TRMT61A: variants seen among roughly 807,000 people sequenced by gnomAD.
TRMT61A encodes tRNA (adenine(58)-N(1))-methyltransferase catalytic subunit TRMT61A.
A neutral mutation model predicts 21.3 loss-of-function variants in TRMT61A; 15 were observed. The ratio of observed to expected loss-of-function variants is 0.70; its 90% CI spans 0.47 to 1.08. TRMT61A has a LOEUF of 1.08. TRMT61A is among the 50% of genes least tolerant of loss of function. The pLI, the probability that TRMT61A is intolerant of heterozygous loss-of-function variation, is 0.00. For synonymous variants in TRMT61A, 183 were observed against 185.5 expected (o/e 0.99, Z 0.11); for missense variants, 352 against 426.7 (o/e 0.83, Z 1.54).
Position 103,534,942 on chromosome 14 carries a change from G to C in TRMT61A, c.*121G>C, listed in dbSNP as rs1465334999. On this transcript the variant is annotated 3_prime_UTR_variant, in exon 4 of 4. Transcript: ENST00000389749. ...ACAGACGGTGGGGTGGGGCTTGGGG[G>C]CCTCCTGGGTGGCCAGAGTGGGACA... 1.5e-6 allele frequency: 2 copies of C among 1,355,176 alleles called. No individual in the cohort carries two copies. The highest frequency in any genetic ancestry group is 1.0e-6 in the Non-Finnish European group (1 of 982,468). The allele number at this position is 1,355,176 out of a possible 1,614,324, so 83.9% of individuals were successfully genotyped here. A position where few individuals can be genotyped will look rare whatever the true frequency, so the allele number is the denominator to read the frequency against.
In TRMT61A at chr14:103,531,136, CCTT is replaced by C. The variant is rs1226018445; in HGVS notation, c.331+830_331+832del. On this transcript the variant is annotated intron_variant, in intron 2 of 3. Coordinates refer to ENST00000389749, the MANE Select transcript of TRMT61A (RefSeq NM_152307.3). The surrounding 1 kb of genome is among the most constrained non-coding windows in gnomAD (Gnocchi z 5.1). ...CGCGAGAGAGCTCAATCAAGCAGCA[CCTT>C]CTCCTGGCCTCCTCAGATATGCCAG... 2.6e-5 allele frequency among the ~76,000 whole-genome samples: 4 copies of C among 152,188 alleles called. No homozygotes were observed. Among genetic ancestry groups the C allele is most frequent in the African/African-American group, 9.7e-5 (4 of 41,438 alleles).
In TRMT61A at chr14:103,532,733, C is replaced by A. The variant is rs980236035; in HGVS notation, c.483C>A (p.Thr161=). 5.6e-6 allele frequency: 9 copies of A among 1,608,522 alleles called. No individual in the cohort carries two copies. In the African/African-American group the frequency reaches 1.1e-4, roughly 19 times the overall value. Residue 161 remains threonine (T), a synonymous_variant, in exon 3 of 4, where the codon ACC becomes ACA. Coordinates refer to ENST00000389749, the MANE Select transcript of TRMT61A (RefSeq NM_152307.3). Reference sequence around the variant, plus strand: ...TGGGCCGCTGGGTGACTGTGCGCACCCAGGACGTGTGCCGCAGTGGCTTTG... The same window carrying A: ...TGGGCCGCTGGGTGACTGTGCGCACACAGGACGTGTGCCGCAGTGGCTTTG... ...HRVGRWVTVR[T]QDVCRSGFGV... is the part of the protein sequence containing the mutation.
In TRMT61A at chr14:103,531,237, G is replaced by A. The variant is rs2075953063; in HGVS notation, c.331+928G>A. ...GAGGAGGGGGACACAGCCTAGGTGA[G>A]CATCTCAGTGCCGCTGGTTGCTGTG... On this transcript the variant is annotated intron_variant, in intron 2 of 3. Coordinates refer to ENST00000389749, the MANE Select transcript of TRMT61A (RefSeq NM_152307.3). This position sits in a 1 kb window ranked among gnomAD's most constrained non-coding sequence, Gnocchi z 5.1. 6.6e-6 allele frequency among the ~76,000 whole-genome samples: 1 copy of A among 152,240 alleles called. No individual in the cohort carries two copies. The highest frequency in any genetic ancestry group is 2.4e-5 in the African/African-American group (1 of 41,464).
chr14:103,534,902 C>T lies in TRMT61A; in HGVS notation c.*81C>T, dbSNP rs568355646. 1.3e-4 allele frequency: 195 copies of T among 1,504,592 alleles called. No individual in the cohort carries two copies. In the African/African-American group the frequency reaches 2.1e-3, roughly 16 times the overall value. The allele number at this position is 1,504,592 out of a possible 1,614,324, so 93.2% of individuals were successfully genotyped here. On this transcript the variant is annotated 3_prime_UTR_variant, in exon 4 of 4. Coordinates refer to ENST00000389749, the MANE Select transcript of TRMT61A (RefSeq NM_152307.3). ...GGCCAGAGGCACCTTATATGGTCAGCGATGCCTGCCAGACACAGACGGTGG... is the reference window on the plus strand; with the variant it reads ...GGCCAGAGGCACCTTATATGGTCAGTGATGCCTGCCAGACACAGACGGTGG...
Position 103,532,680 on chromosome 14 carries a change from G to T in TRMT61A, c.430G>T (p.Ala144Ser), listed in dbSNP as rs537191569. ...VEFHQQRAEK[A>S]REEFQEHRVG... ...GTTCCACCAGCAGCGGGCAGAGAAGGCCCGGGAGGAGTTCCAGGAGCACCG... is the reference window on the plus strand; with the variant it reads ...GTTCCACCAGCAGCGGGCAGAGAAGTCCCGGGAGGAGTTCCAGGAGCACCG... The change falls in exon 3 of 4, where the codon GCC becomes TCC. Residue 144 changes from alanine to serine, a missense_variant. By Grantham distance (99) the Ala-to-Ser change is moderately conservative. Coordinates refer to ENST00000389749, the MANE Select transcript of TRMT61A (RefSeq NM_152307.3). 6.2e-6 allele frequency: 10 copies of T among 1,613,414 alleles called. No individual in the cohort carries two copies. In the South Asian group the frequency reaches 1.1e-4, roughly 18 times the overall value.
Position 103,530,078 on chromosome 14 carries a change from G to A in TRMT61A, c.100G>A (p.Ala34Thr), listed in dbSNP as rs781028110. 3.1e-6 allele frequency: 5 copies of A among 1,613,034 alleles called. No individual in the cohort carries two copies. The highest frequency in any genetic ancestry group is 4.2e-6 in the Non-Finnish European group (5 of 1,180,010). The change falls in exon 2 of 4, where the codon GCA becomes ACA. Residue 34 changes from alanine (A) to threonine (T), a missense_variant. Ala to Thr is a moderately conservative substitution (Grantham distance 58, BLOSUM62 0). Coordinates refer to ENST00000389749, the MANE Select transcript of TRMT61A (RefSeq NM_152307.3). ...GGTGGCGGTGCGTGTGCAGCGTGGG[G>A]CACAGACCCAGACCCGGCATGGTGT... ...AMVAVRVQRG[A>T]QTQTRHGVLR...
At chr14:103,533,510 T>G (rs2075962108) in intron 3 of TRMT61A, among the ~76,000 whole-genome samples, 1 of 152,184 alleles carries the variant, frequency 6.6e-6, no homozygotes, top group South Asian at 2.1e-4. Flanking sequence ...GGTCCTGGTC[T>G]CTGCTGAGGT....
intron 2 of TRMT61A, among the ~76,000 whole-genome samples, chr14:103,530,975 A>T (rs1232041844): frequency 6.6e-6 from 1 of 151,902 alleles, no homozygotes; most frequent in Non-Finnish European, 1.5e-5. Context: ...TGGCTTTCTG[A>T]GGGCTGCAGG....
At chr14:103,534,124 G>A (rs558089257) in intron 3 of TRMT61A, among the ~76,000 whole-genome samples, 64 of 152,314 alleles carry the variant, frequency 4.2e-4, no homozygotes, top group Non-Finnish European at 2.4e-4. Context: ...TCCTGTTCCC[G>A]GGAGCAGCGA....
At chr14:103,534,417 A>C in intron 3 of TRMT61A, 133 bp from the exon 4 acceptor site, 36 of 1,076,354 alleles carry the variant, frequency 3.3e-5, no homozygotes, top group Non-Finnish European at 4.1e-5. Context: ...CAGCTCTTGG[A>C]GAGCTTGCAG....
Position 103,530,066 on chromosome 14 carries a change from G to T in TRMT61A, c.88G>T (p.Val30Leu), listed in dbSNP as rs746626061. Residue 30 changes from valine to leucine, a missense_variant, in exon 2 of 4, where the codon GTG becomes TTG. Transcript: ENST00000389749. ...CCATGGTGCAATGGTGGCGGTGCGT[G>T]TGCAGCGTGGGGCACAGACCCAGAC... The part of the protein sequence containing the change: ...LGHGAMVAVR[V>L]QRGAQTQTRH... 1.2e-6 allele frequency: 2 copies of T among 1,613,040 alleles called. No homozygotes were observed. Among genetic ancestry groups the T allele is most frequent in the South Asian group, 2.2e-5 (2 of 91,092 alleles).
At chr14:103,530,374 C>T (rs2075950038) in intron 2 of TRMT61A, 65 bp downstream of exon 2, 4 of 1,404,226 alleles carry the variant, frequency 2.8e-6, no homozygotes, top group Non-Finnish European at 3.9e-6. Context: ...TCAGAGCCTC[C>T]AGCCTGCCCT....
rs1309675533 is a variant in TRMT61A at position 103,530,169 on chromosome 14, G to T, written c.191G>T (p.Gly64Val). 2 of 1,612,736 alleles carry T rather than the reference G, an allele frequency of 1.2e-6. No individual in the cohort carries two copies. Among genetic ancestry groups the T allele is most frequent in the Admixed American group, 3.3e-5 (2 of 60,020 alleles). Residue 64 changes from glycine (G) to valine (V), a missense_variant, in exon 2 of 4, where the codon GGC becomes GTC. Physicochemically the swap from Gly to Val is moderately radical, Grantham distance 109. Transcript: ENST00000389749. ...TCCAAGGTGACGTGCGGCCGAGGTG[G>T]CTGGGTGTATGTGCTGCACCCCACG... Reference protein sequence around the residue: ...FGSKVTCGRGGWVYVLHPTPE... With the variant: ...FGSKVTCGRGVWVYVLHPTPE...
At position 103,531,472 on chromosome 14, in the gene TRMT61A, G is replaced by C. The variant is rs981528731; in HGVS notation, c.332-1110G>C. Reference sequence around the variant, plus strand: ...GCATGCTGCCGAGTCAGGCTCAGTGGGGGAGGCAGAGGGGCTGGGAGTGAG... The same window carrying C: ...GCATGCTGCCGAGTCAGGCTCAGTGCGGGAGGCAGAGGGGCTGGGAGTGAG... On this transcript the variant is annotated intron_variant, in intron 2 of 3. Coordinates refer to ENST00000389749, the MANE Select transcript of TRMT61A (RefSeq NM_152307.3). This position sits in a 1 kb window ranked among gnomAD's most constrained non-coding sequence, Gnocchi z 5.1. Among the ~76,000 whole-genome samples the C allele has an allele frequency of 2.0e-5, 3 of 152,232 alleles. No homozygotes were observed. The highest frequency in any genetic ancestry group is 6.5e-5 in the Admixed American group (1 of 15,284).
chr14:103,532,851 G>A lies in TRMT61A; in HGVS notation c.598+3G>A. ...CTGGGACGCCCTCAAGGTCGAAGGT[G>A]CATCCGGGGTTCCGGGAGAGGTACA... On this transcript the variant is annotated splice_donor_region_variant and intron_variant, in intron 3 of 3. Transcript: ENST00000389749. The A allele has an allele frequency of 6.5e-7, 1 of 1,544,560 alleles. No homozygotes were observed. Among genetic ancestry groups the A allele is most frequent in the Non-Finnish European group, 8.8e-7 (1 of 1,142,080 alleles).
At position 103,535,445 on chromosome 14, in the gene TRMT61A, G is replaced by A. The variant is rs1046312944; in HGVS notation, c.*624G>A. 4.9e-6 allele frequency: 2 copies of A among 412,158 alleles called. No individual in the cohort carries two copies. The highest frequency in any genetic ancestry group is 2.9e-5 in the Admixed American group (1 of 34,682). 25.5% of individuals were successfully genotyped at this position (412,158 alleles called of 1,614,324 possible). Reference sequence around the variant, plus strand: ...AGCACTGAGCTCAGCCCAGGCCTTCGTCCACTCATGTCCAAGAGGCGGGGC... The same window carrying A: ...AGCACTGAGCTCAGCCCAGGCCTTCATCCACTCATGTCCAAGAGGCGGGGC... On this transcript the variant is annotated 3_prime_UTR_variant, in exon 4 of 4. Coordinates refer to ENST00000389749, the MANE Select transcript of TRMT61A (RefSeq NM_152307.3).
At chr14:103,532,890 T>TGGGGGG in intron 3 of TRMT61A, 42 bp downstream of exon 3, 2 of 1,225,684 alleles carry the variant, frequency 1.6e-6, no homozygotes, top group Admixed American at 2.3e-5. Flanking sequence ...TGGGTGGGGG[T>TGGGGGG]GGGGCAAGGG....
chr14:103,532,352 A>G (rs1036028130), intron 2 of TRMT61A, among the ~76,000 whole-genome samples: 1 of 152,152 alleles, frequency 6.6e-6, no homozygotes, highest in African/African-American at 2.4e-5. Context: ...AGCACGGCAT[A>G]CACAGCCTGT....
chr14:103,530,668 C>A (rs148625527), intron 2 of TRMT61A, among the ~76,000 whole-genome samples: 129 of 152,310 alleles, frequency 8.5e-4, no homozygotes, highest in African/African-American at 3.0e-3. Context: ...AGAGAGTTGC[C>A]CCTTCTGGAA....
Sources: gnomAD v4.1 joint callset for allele counts (sites outside exome capture counted in the v4.1 genomes callset) on GRCh38, gnomAD v4.1.1 for gene constraint, Gnocchi (gnomAD v3.1) non-coding constraint, MANE v1.5 for transcripts, NCBI Gene and HGNC (gene_info 2026-07-23, HGNC 2026-07-21) for gene names.